The following KIF3C variants were observed in gnomAD, a reference collection of about 807,000 sequenced individuals.
The protein encoded by KIF3C is kinesin family member 3C.
A neutral mutation model predicts 67.7 loss-of-function variants in KIF3C; 12 were observed. The observed-to-expected ratio is 0.18, with a 90% CI of 0.11 to 0.29. The LOEUF is 0.29. Among genes scored for constraint, KIF3C ranks in the 10% least tolerant of loss-of-function variants. KIF3C has a pLI of 1.00. For missense variants in KIF3C, 789 were observed against 1,059.6 expected (o/e 0.74, Z 3.55); for synonymous variants, 393 against 426.2 (o/e 0.92, Z 0.96).
intron 1 of KIF3C, among the ~76,000 whole-genome samples, chr2:25,961,532 A>G (rs1663942177): frequency 6.6e-6 from 1 of 152,248 alleles, no homozygotes; most frequent in Non-Finnish European, 1.5e-5. Flanking sequence ...ATTAAATGAT[A>G]GCCATGGGCA....
In KIF3C at chr2:25,981,288, A is replaced by C; in HGVS notation, c.630T>G (p.Asn210Lys). ...TGGCATGGGAGCGGGAGCTGACCTC[A>C]TTCATGTGGGTGCTGCCCACAGCCC... ...QTRAVGSTHM[N>K]EVSSRSHAIF... Residue 210 changes from asparagine to lysine, a missense_variant, in exon 1 of 8, where the codon AAT becomes AAG. By Grantham distance (94) the Asn-to-Lys change is moderately conservative. Coordinates refer to ENST00000264712, the MANE Select transcript of KIF3C (RefSeq NM_002254.8). The surrounding 1 kb of genome is among the most constrained non-coding windows in gnomAD (Gnocchi z 8.2). 6.2e-7 allele frequency: 1 copy of C among 1,613,884 alleles called. No individual in the cohort carries two copies. The highest frequency in any genetic ancestry group is 8.5e-7 in the Non-Finnish European group (1 of 1,179,932).
At chr2:25,970,386 G>C (rs760924623) in intron 1 of KIF3C, among the ~76,000 whole-genome samples, 10 of 152,120 alleles carry the variant, frequency 6.6e-5, no homozygotes, top group Non-Finnish European at 1.2e-4. Flanking sequence ...GAACACATCA[G>C]GCCGGGCGCG....
chr2:25,972,082 T>C (rs1475194087), intron 1 of KIF3C, among the ~76,000 whole-genome samples: 5 of 151,638 alleles, frequency 3.3e-5, no homozygotes, highest in Non-Finnish European at 5.9e-5. Flanking sequence ...CCAGAAGAGG[T>C]GCCCCAGACT....
chr2:25,982,127 G>T lies in KIF3C; in HGVS notation c.-210C>A. On this transcript the variant is annotated 5_prime_UTR_variant, in exon 1 of 8. Coordinates refer to ENST00000264712, the MANE Select transcript of KIF3C (RefSeq NM_002254.8). ...ACCGCTCTCCGGTCCTCTCTGCACC[G>T]GCTGGGAGGTGAATTAGGCAGAATC... The T allele has an allele frequency of 2.1e-6, 1 of 484,674 alleles. No homozygotes were observed. The highest frequency in any genetic ancestry group is 3.6e-6 in the Non-Finnish European group (1 of 275,716). The allele number at this position is 484,674 out of a possible 1,614,324, so 30.0% of individuals were successfully genotyped here. A position where few individuals can be genotyped will look rare whatever the true frequency, so the allele number is the denominator to read the frequency against.
intron 5 of KIF3C, among the ~76,000 whole-genome samples, chr2:25,936,700 A>G (rs1663141696): frequency 6.6e-6 from 1 of 152,070 alleles, no homozygotes; most frequent in Non-Finnish European, 1.5e-5. Flanking sequence ...GCTTTACTTG[A>G]TATTGTCAAT....
intron 4 of KIF3C, among the ~76,000 whole-genome samples, chr2:25,953,271 A>G (rs1369640311): frequency 6.7e-6 from 1 of 149,840 alleles, no homozygotes; most frequent in African/African-American, 2.4e-5. Flanking sequence ...TCCATCTCCA[A>G]AAAAAAAAAA....
chr2:25,938,364 A>T, intron 5 of KIF3C: 1 of 397,118 alleles, frequency 2.5e-6, no homozygotes, highest in Non-Finnish European at 5.0e-6. Context: ...TCTCAAAAAA[A>T]AAAAAAAATT....
chr2:25,981,979 G>T lies in KIF3C; in HGVS notation c.-62C>A. ...GCAGCCTGGGCGGTCCTGCTATCCTGCTCGCTAGGTCGGGATCAGCGGGGC... is the reference window on the plus strand; with the variant it reads ...GCAGCCTGGGCGGTCCTGCTATCCTTCTCGCTAGGTCGGGATCAGCGGGGC... On this transcript the variant is annotated 5_prime_UTR_variant, in exon 1 of 8. Coordinates refer to ENST00000264712, the MANE Select transcript of KIF3C (RefSeq NM_002254.8). This position sits in a 1 kb window ranked among gnomAD's most constrained non-coding sequence, Gnocchi z 8.2. The T allele has an allele frequency of 7.3e-7, 1 of 1,370,488 alleles. No individual in the cohort carries two copies. Among genetic ancestry groups the T allele is most frequent in the Non-Finnish European group, 9.8e-7 (1 of 1,023,130 alleles). The allele number at this position is 1,370,488 out of a possible 1,614,324, so 84.9% of individuals were successfully genotyped here. A position where few individuals can be genotyped will look rare whatever the true frequency, so the allele number is the denominator to read the frequency against.
rs144352078 is a variant in KIF3C, at chr2:25,966,705, T to C, written c.1546-10261A>G. ...CCAGCCAGCCACTCTTCTGGAAAGA[T>C]AGCATCAAGTATGATTTTACAAGGA... On this transcript the variant is annotated intron_variant, in intron 1 of 7. Coordinates refer to ENST00000264712, the MANE Select transcript of KIF3C (RefSeq NM_002254.8). 3.4e-3 allele frequency among the ~76,000 whole-genome samples: 517 copies of C among 152,276 alleles called. 2 individuals are homozygous for C. Among genetic ancestry groups the C allele is most frequent in the African/African-American group, 0.012 (486 of 41,556 alleles).
intron 5 of KIF3C, among the ~76,000 whole-genome samples, chr2:25,942,722 T>A (rs558416512): frequency 6.6e-6 from 1 of 152,346 alleles, no homozygotes; most frequent in East Asian, 1.9e-4. Flanking sequence ...AAATGTTTTT[T>A]AAAGTAACTT....
chr2:25,968,797 T>C (rs992795621), intron 1 of KIF3C, among the ~76,000 whole-genome samples: 3 of 151,968 alleles, frequency 2.0e-5, no homozygotes, highest in East Asian at 1.9e-4. Context: ...AATCAGCAAA[T>C]GGTACAGAAA....
At chr2:25,941,163 G>A (rs531287409) in intron 5 of KIF3C, among the ~76,000 whole-genome samples, 1 of 151,938 alleles carries the variant, frequency 6.6e-6, no homozygotes, top group East Asian at 1.9e-4. Context: ...GCTGGGTATG[G>A]TGGTCCATGT....
chr2:25,969,332 C>G (rs1158195783), intron 1 of KIF3C, among the ~76,000 whole-genome samples: 1 of 151,910 alleles, frequency 6.6e-6, no homozygotes, highest in Non-Finnish European at 1.5e-5. Flanking sequence ...AACATAGAAC[C>G]CTGACAAAGG....
Position 25,955,593 on chromosome 2 carries a change from G to A in KIF3C, c.1718C>T (p.Thr573Ile). The change falls in exon 3 of 8, where the codon ACC becomes ATC. Residue 573 changes from threonine (T) to isoleucine (I), a missense_variant. By Grantham distance (89) the Thr-to-Ile change is moderately conservative (BLOSUM62 -1). This residue lies in a region of KIF3C where 648 missense variants were observed against 807.8 expected (regional missense o/e 0.80). Coordinates refer to ENST00000264712, the MANE Select transcript of KIF3C (RefSeq NM_002254.8). The surrounding 1 kb of genome is among the most constrained non-coding windows in gnomAD (Gnocchi z 5.0). The stretch of plus-strand genomic sequence containing the variant: ...CACCTCCTGCTGCAGGGATGTGTAG[G>A]TGCCCCGGAGCTCCATAGTCTCCTC... ...RDEETMELRGTYTSLQQEVEV... is the reference protein window; with the variant it reads ...RDEETMELRGIYTSLQQEVEV... The A allele has an allele frequency of 6.2e-7, 1 of 1,614,052 alleles. No homozygotes were observed. The highest frequency in any genetic ancestry group is 8.5e-7 in the Non-Finnish European group (1 of 1,179,960).
intron 5 of KIF3C, among the ~76,000 whole-genome samples, chr2:25,933,525 A>T (rs912145139): frequency 1.6e-4 from 24 of 151,934 alleles, no homozygotes; most frequent in African/African-American, 4.6e-4. Context: ...ACAAAAAAAA[A>T]TTAGCAGGGT....
At chr2:25,950,471 C>G (rs577005135) in intron 5 of KIF3C, among the ~76,000 whole-genome samples, 2 of 99,584 alleles carry the variant, frequency 2.0e-5, no homozygotes, top group Non-Finnish European at 4.1e-5. Flanking sequence ...ATCCACCTGC[C>G]TCAGCCTCCC....
chr2:25,972,487 A>G (rs1341013808), intron 1 of KIF3C, among the ~76,000 whole-genome samples: 3 of 152,196 alleles, frequency 2.0e-5, no homozygotes, highest in Admixed American at 6.5e-5. Context: ...CAACACCAAG[A>G]GGTCATGGAC....
chr2:25,978,378 G>C (rs1664471698), intron 1 of KIF3C, among the ~76,000 whole-genome samples: 1 of 152,176 alleles, frequency 6.6e-6, no homozygotes, highest in Non-Finnish European at 1.5e-5. Context: ...TGATTATCAA[G>C]TAGCACAGGT....
rs1178352678 is a variant in KIF3C, at chr2:25,963,194, A to AT, written c.1546-6751dup. Among the ~76,000 whole-genome samples, 122 of 52,842 alleles carry AT rather than the reference A, an allele frequency of 2.3e-3. 2 individuals are homozygous for AT. The highest frequency in any genetic ancestry group is 2.9e-3 in the Non-Finnish European group (101 of 34,930). 34.7% of individuals were successfully genotyped at this position (52,842 alleles called of 152,430 possible). A position where few individuals can be genotyped will look rare whatever the true frequency, so the allele number is the denominator to read the frequency against. On this transcript the variant is annotated intron_variant, in intron 1 of 7. Coordinates refer to ENST00000264712, the MANE Select transcript of KIF3C (RefSeq NM_002254.8). ...TGTGTGTATATATATATATATATAT[A>AT]TATTTTTTTTTTTTTTTTTTTTTTT...
Sources: allele counts gnomAD v4.1 joint callset (sites outside exome capture counted in the v4.1 genomes callset), GRCh38; gene constraint gnomAD v4.1.1; regional missense constraint gnomAD v4.1.1; non-coding constraint Gnocchi (gnomAD v3.1); transcripts MANE v1.5; gene names NCBI Gene and HGNC (gene_info 2026-07-23, HGNC 2026-07-21).